Variants in CDH18 observed in about 807,000 individuals in gnomAD.
CDH18 encodes cadherin 18.
CDH18 carries 31 observed loss-of-function variants against 67.9 expected under a neutral mutation model. The ratio of observed to expected loss-of-function variants is 0.46; its 90% CI spans 0.34 to 0.62. The LOEUF is 0.62. CDH18 is among the 20% of genes least tolerant of loss of function. CDH18 has a pLI of 0.01. For missense variants in CDH18, 890 were observed against 975.5 expected (o/e 0.91, Z 1.17); for synonymous variants, 362 against 347.2 (o/e 1.04, Z -0.48).
At chr5:20,072,447 G>GATACTCCTTGTGACTGTGT (rs1440779164) in intron 2 of CDH18, among the ~76,000 whole-genome samples, 1 of 151,996 alleles carries the variant, frequency 6.6e-6, no homozygotes, top group Non-Finnish European at 1.5e-5. Context: ...ACACCTTTGA[G>GATACTCCTTGTGACTGTGT]ATACTCCTTG....
At chr5:20,095,106 G>A (rs914834414) in intron 2 of CDH18, among the ~76,000 whole-genome samples, 4 of 151,846 alleles carry the variant, frequency 2.6e-5, no homozygotes, top group African/African-American at 9.7e-5. Context: ...GTTGAACAAT[G>A]AGAACATATG....
intron 1 of CDH18, among the ~76,000 whole-genome samples, chr5:20,323,551 G>C (rs1738240201): frequency 6.6e-6 from 1 of 152,176 alleles, no homozygotes; most frequent in Admixed American, 6.5e-5. Context: ...TACACAGATA[G>C]TAACATATGT....
intron 2 of CDH18, among the ~76,000 whole-genome samples, chr5:20,182,484 C>A (rs1319886667): frequency 6.6e-6 from 1 of 151,296 alleles, no homozygotes; most frequent in Non-Finnish European, 1.5e-5. Context: ...TGCCTATAAT[C>A]CCAGCTACTC....
intron 2 of CDH18, among the ~76,000 whole-genome samples, chr5:20,208,667 T>A (rs955153191): frequency 3.3e-5 from 5 of 152,178 alleles, no homozygotes; most frequent in Admixed American, 6.6e-5. Context: ...TGAGCAAAGT[T>A]TTTTTTGTGT....
At chr5:19,918,246 A>T (rs1792046747) in intron 2 of CDH18, among the ~76,000 whole-genome samples, 1 of 152,186 alleles carries the variant, frequency 6.6e-6, no homozygotes, top group Admixed American at 6.5e-5. Flanking sequence ...AACTTCCAAC[A>T]TGACAACAAT....
intron 4 of CDH18, among the ~76,000 whole-genome samples, chr5:19,743,579 C>A (rs1025029542): frequency 6.6e-6 from 1 of 152,104 alleles, no homozygotes; most frequent in Non-Finnish European, 1.5e-5. Context: ...GTTCCCCCTG[C>A]CATTGTCTGC....
intron 3 of CDH18, among the ~76,000 whole-genome samples, chr5:19,762,163 A>G (rs1772446230): frequency 6.6e-6 from 1 of 152,186 alleles, no homozygotes; most frequent in Non-Finnish European, 1.5e-5. Context: ...AGGCAATACC[A>G]TTCAGGACAT....
chr5:20,013,116 A>G (rs1264661648), intron 2 of CDH18, among the ~76,000 whole-genome samples: 3 of 152,064 alleles, frequency 2.0e-5, no homozygotes, highest in Non-Finnish European at 4.4e-5. Context: ...TCACATCACT[A>G]TTACAACAGT....
chr5:20,480,804 T>G (rs1281200041), intron 1 of CDH18, among the ~76,000 whole-genome samples: 1 of 152,174 alleles, frequency 6.6e-6, no homozygotes, highest in Admixed American at 6.5e-5. Flanking sequence ...TTACAATATG[T>G]TATTTGCAAA....
Position 20,162,710 on chromosome 5 carries a change from T to C in CDH18, c.-518+92734A>G, listed in dbSNP as rs188131157. ...GTTTATGTATATGTATATACATACA[T>C]ATATATATGTCTTTATAATATTCAT... On this transcript the variant is annotated intron_variant, in intron 2 of 14. Coordinates refer to the CDH18 transcript ENST00000507958. Among the ~76,000 whole-genome samples, 121 of 151,614 alleles carry C rather than the reference T, an allele frequency of 8.0e-4. 1 individual carries two copies. In the East Asian group the frequency reaches 0.022, roughly 27 times the overall value.
chr5:20,402,189 T>A (rs888298903), intron 1 of CDH18, among the ~76,000 whole-genome samples: 1 of 152,166 alleles, frequency 6.6e-6, no homozygotes, highest in African/African-American at 2.4e-5. Context: ...TCAGAAAGGA[T>A]TTGGTAGTCT....
At chr5:19,882,185 C>A (rs771424139) in intron 2 of CDH18, among the ~76,000 whole-genome samples, 4 of 152,010 alleles carry the variant, frequency 2.6e-5, no homozygotes, top group Admixed American at 2.6e-4. Context: ...AAGAAAATTG[C>A]CAACTCAAAA....
intron 2 of CDH18, among the ~76,000 whole-genome samples, chr5:19,935,926 C>T (rs1232178297): frequency 1.3e-5 from 2 of 150,110 alleles, no homozygotes; most frequent in Admixed American, 6.7e-5. Context: ...TTAGTCACAC[C>T]TGTTAGTACT....
chr5:19,804,831 T>A (rs981249065), intron 3 of CDH18, among the ~76,000 whole-genome samples: 1 of 152,220 alleles, frequency 6.6e-6, no homozygotes, highest in East Asian at 1.9e-4. Flanking sequence ...AGTCTTCTTC[T>A]ATCACTAGTC....
rs1781997073 is a variant in CDH18, at chr5:19,839,129, T to G, written c.-143A>C. On this transcript the variant is annotated 5_prime_UTR_variant, in exon 3 of 13. Coordinates refer to ENST00000382275, the MANE Select transcript of CDH18 (RefSeq NM_004934.5). ...GTTTAGCGTGTCCATGATTTAACTG[T>G]CCATCAGGGAAAGGTCAGATCATAT... The G allele has an allele frequency of 3.2e-6, 2 of 631,820 alleles. No individual in the cohort carries two copies. The highest frequency in any genetic ancestry group is 5.6e-6 in the Non-Finnish European group (2 of 355,654). 39.1% of individuals were successfully genotyped at this position (631,820 alleles called of 1,614,324 possible).
intron 3 of CDH18, among the ~76,000 whole-genome samples, chr5:19,763,911 G>C (rs1319801336): frequency 6.7e-6 from 1 of 149,252 alleles, no homozygotes; most frequent in African/African-American, 2.5e-5. Context: ...CACTTTGGGA[G>C]GCCAAGGAGG....
intron 2 of CDH18, among the ~76,000 whole-genome samples, chr5:20,019,106 A>G (rs1276420598): frequency 1.3e-5 from 2 of 152,130 alleles, no homozygotes; most frequent in Non-Finnish European, 2.9e-5. Context: ...CTAATAAGGC[A>G]TTCTTAATGA....
chr5:19,671,723 T>C (rs1412504443), intron 5 of CDH18, among the ~76,000 whole-genome samples: 1 of 152,034 alleles, frequency 6.6e-6, no homozygotes, highest in Non-Finnish European at 1.5e-5. Context: ...AGAAAACAAA[T>C]ACAATCTAGG....
rs966843059 is a variant in CDH18 at position 19,850,645 on chromosome 5, A to G, written c.-256-11403T>C. ...TGATAAATTGATCTGTGGCAAACAG[A>G]AAGAAAGTAGGGAGATTGTAGAGGA... On this transcript the variant is annotated intron_variant, in intron 2 of 12. Coordinates refer to ENST00000382275, the MANE Select transcript of CDH18 (RefSeq NM_004934.5). 2.0e-5 allele frequency among the ~76,000 whole-genome samples: 3 copies of G among 151,852 alleles called. No individual in the cohort carries two copies. The Admixed American group carries it at 2.0e-4, about 10-fold the overall frequency.
Sources: gnomAD v4.1 joint callset for allele counts (sites outside exome capture counted in the v4.1 genomes callset) on GRCh38, gnomAD v4.1.1 for gene constraint, MANE v1.5 for transcripts, NCBI Gene and HGNC (gene_info 2026-07-23, HGNC 2026-07-21) for gene names.